TMEM163: variants seen among roughly 807,000 people sequenced by gnomAD.
The protein encoded by TMEM163 is transmembrane protein 163.
In TMEM163, 17 loss-of-function variants were observed where a neutral mutation model predicts 29.3. The observed-to-expected ratio is 0.58, with a 90% CI of 0.40 to 0.87. The LOEUF is 0.87. Ranked by LOEUF, TMEM163 falls within the 40% of genes least tolerant of loss-of-function variation. The pLI is 0.00. For missense variants in TMEM163, 303 were observed against 381.5 expected, an observed-to-expected ratio of 0.79 and a Z score of 1.71; for synonymous variants, 157 against 160.6, an observed-to-expected ratio of 0.98 and a Z score of 0.17.
intron 2 of TMEM163, among the ~76,000 whole-genome samples, chr2:134,657,462 C>G (rs959551788): frequency 2.6e-5 from 4 of 152,250 alleles, no homozygotes; most frequent in Non-Finnish European, 5.9e-5. Flanking sequence ...ACCACATGTT[C>G]TCACTTATAA....
At chr2:134,656,544 G>C (rs569291007) in intron 2 of TMEM163, among the ~76,000 whole-genome samples, 1 of 152,202 alleles carries the variant, frequency 6.6e-6, no homozygotes, top group African/African-American at 2.4e-5. Flanking sequence ...GACCGGAGCT[G>C]TTCCTATTCG....
intron 2 of TMEM163, among the ~76,000 whole-genome samples, chr2:134,568,482 G>A (rs1681346427): frequency 6.6e-6 from 1 of 151,048 alleles, no homozygotes; most frequent in Admixed American, 6.6e-5. Flanking sequence ...AGCTGAGATA[G>A]CACACTGCAC....
chr2:134,481,121 G>C (rs187870756), intron 5 of TMEM163, among the ~76,000 whole-genome samples: 256 of 152,248 alleles, frequency 1.7e-3, no homozygotes, highest in African/African-American at 5.3e-3. Context: ...GACTTCGTTT[G>C]TCAACATCAT....
At chr2:134,715,858 G>C (rs555201713) in intron 1 of TMEM163, among the ~76,000 whole-genome samples, 8 of 152,180 alleles carry the variant, frequency 5.3e-5, no homozygotes, top group Non-Finnish European at 1.2e-4. Context: ...CCCATAGCTG[G>C]CCCCCATATT....
At chr2:134,707,707 G>A (rs1684844816) in intron 2 of TMEM163, among the ~76,000 whole-genome samples, 1 of 152,040 alleles carries the variant, frequency 6.6e-6, no homozygotes, top group African/African-American at 2.4e-5. Flanking sequence ...GCGGTGTCAT[G>A]GATAAAACTG....
chr2:134,476,481 CTAAT>C (rs1376810489), intron 5 of TMEM163, among the ~76,000 whole-genome samples: 1 of 151,986 alleles, frequency 6.6e-6, no homozygotes, highest in East Asian at 1.9e-4. Flanking sequence ...CTCAATAAAA[CTAAT>C]TGTTTTAAAA....
intron 5 of TMEM163, among the ~76,000 whole-genome samples, chr2:134,497,637 A>G (rs746195177): frequency 2.6e-5 from 4 of 152,324 alleles, no homozygotes; most frequent in South Asian, 2.1e-4. Context: ...GCATTTCTAC[A>G]TTCATTATTA....
chr2:134,460,747 A>G lies in TMEM163; in HGVS notation c.668-2574T>C, dbSNP rs1052405225. On this transcript the variant is annotated intron_variant, in intron 6 of 7. Transcript: ENST00000281924. This position sits in a 1 kb window ranked among gnomAD's most constrained non-coding sequence, Gnocchi z 4.3. Reference sequence around the variant, plus strand: ...GCTCCACCAAGTCACCCGCTCTGCCAGCCAGCACCAAGGCCGGCCCAGCTT... The same window carrying G: ...GCTCCACCAAGTCACCCGCTCTGCCGGCCAGCACCAAGGCCGGCCCAGCTT... 6.6e-6 allele frequency among the ~76,000 whole-genome samples: 1 copy of G among 152,134 alleles called. No homozygotes were observed.
chr2:134,514,108 C>T (rs1371451287), intron 4 of TMEM163, among the ~76,000 whole-genome samples: 2 of 152,166 alleles, frequency 1.3e-5, no homozygotes, highest in Non-Finnish European at 2.9e-5. Flanking sequence ...AAGAAGGGGA[C>T]AAGACGCCAC....
At position 134,673,919 on chromosome 2, in the gene TMEM163, C is replaced by A. The variant is rs73958784; in HGVS notation, c.322+39281G>T. On this transcript the variant is annotated intron_variant, in intron 2 of 7. Coordinates refer to ENST00000281924, the MANE Select transcript of TMEM163 (RefSeq NM_030923.5). ...AGTTTGTGGTCATTTGTCACAGCAG[C>A]AATAAGAAACTAATACAAATTACTA... 3.4e-3 allele frequency among the ~76,000 whole-genome samples: 524 copies of A among 152,258 alleles called. 1 individual carries two copies. The highest frequency in any genetic ancestry group is 0.012 in the African/African-American group (490 of 41,532).
chr2:134,508,827 G>T (rs1679884364), intron 4 of TMEM163, among the ~76,000 whole-genome samples: 1 of 149,076 alleles, frequency 6.7e-6, no homozygotes, highest in South Asian at 2.2e-4. Context: ...TCTACCTGCT[G>T]TGTTTGTGGA....
In TMEM163 at chr2:134,473,744, CA is replaced by C. The variant is rs749908783; in HGVS notation, c.556-7520del. Among the ~76,000 whole-genome samples, 17 of 152,194 alleles carry C rather than the reference CA, an allele frequency of 1.1e-4. No homozygotes were observed. The East Asian group carries it at 1.2e-3, about 10-fold the overall frequency. Reference sequence around the variant, plus strand: ...CCAACAGGATCTATTAAGAAGATAACAAGGAGATATAACCAACTTGATGCCA... The same window carrying C: ...CCAACAGGATCTATTAAGAAGATAACAGGAGATATAACCAACTTGATGCCA... On this transcript the variant is annotated intron_variant, in intron 5 of 7. Coordinates refer to ENST00000281924, the MANE Select transcript of TMEM163 (RefSeq NM_030923.5).
At chr2:134,658,621 C>A (rs752489247) in intron 2 of TMEM163, among the ~76,000 whole-genome samples, 1 of 151,438 alleles carries the variant, frequency 6.6e-6, no homozygotes, top group African/African-American at 2.4e-5. Context: ...TTTTTGAGAC[C>A]GAGTCTCACT....
At chr2:134,610,429 C>CT (rs1682478341) in intron 2 of TMEM163, among the ~76,000 whole-genome samples, 1 of 152,180 alleles carries the variant, frequency 6.6e-6, no homozygotes, top group African/African-American at 2.4e-5. Context: ...AAATAGATTG[C>CT]TGGGCCCAGC....
Position 134,628,459 on chromosome 2 carries a change from C to T in TMEM163, c.323-76368G>A, listed in dbSNP as rs371428433. Among the ~76,000 whole-genome samples the T allele has an allele frequency of 1.1e-4, 16 of 152,370 alleles. No homozygotes were observed. The East Asian group carries it at 2.7e-3, about 26-fold the overall frequency. On this transcript the variant is annotated intron_variant, in intron 2 of 7. Transcript: ENST00000281924. ...CCTGGGCCCATGGGCCATGCAGTCC[C>T]GGTTTCACCAGTTTATGCCAACAAT... is the stretch of plus-strand genomic sequence containing the variant.
chr2:134,456,386 G>C lies in TMEM163; in HGVS notation c.*330C>G, dbSNP rs894089637. ...GTGGGTCTGCTCAGTCCTATGCAGC[G>C]CAGGCTCAGAGCACCACCGAAGACC... On this transcript the variant is annotated 3_prime_UTR_variant, in exon 8 of 8. Coordinates refer to ENST00000281924, the MANE Select transcript of TMEM163 (RefSeq NM_030923.5). The C allele has an allele frequency of 6.1e-6, 2 of 329,176 alleles. No homozygotes were observed. Among genetic ancestry groups the C allele is most frequent in the Non-Finnish European group, 5.8e-6 (1 of 171,346 alleles). 20.4% of individuals were successfully genotyped at this position (329,176 alleles called of 1,614,324 possible).
At chr2:134,663,100 C>T (rs936948944) in intron 2 of TMEM163, among the ~76,000 whole-genome samples, 2 of 152,196 alleles carry the variant, frequency 1.3e-5, no homozygotes, top group Admixed American at 1.3e-4. Context: ...CCATACTTCA[C>T]CCTGTGGCCA....
intron 2 of TMEM163, among the ~76,000 whole-genome samples, chr2:134,669,969 G>A (rs1683954994): frequency 6.6e-6 from 1 of 152,098 alleles, no homozygotes; most frequent in African/African-American, 2.4e-5. Flanking sequence ...CCCTCCAACT[G>A]TAACCCCATG....
At chr2:134,498,144 G>A (rs1420816627) in intron 5 of TMEM163, among the ~76,000 whole-genome samples, 19 of 152,128 alleles carry the variant, frequency 1.2e-4, no homozygotes, top group African/African-American at 4.6e-4. Flanking sequence ...CAGAGTCAGG[G>A]TGACTGCATG....
Sources: gnomAD v4.1 joint callset for allele counts (sites outside exome capture counted in the v4.1 genomes callset) on GRCh38, gnomAD v4.1.1 for gene constraint, Gnocchi (gnomAD v3.1) non-coding constraint, MANE v1.5 for transcripts, NCBI Gene and HGNC (gene_info 2026-07-23, HGNC 2026-07-21) for gene names.